The following PRKAR2A variants were observed in gnomAD, a reference collection of about 807,000 sequenced individuals.
PRKAR2A encodes cAMP-dependent protein kinase type II-alpha regulatory subunit.
A neutral mutation model predicts 51.9 loss-of-function variants in PRKAR2A; 29 were observed. The ratio of observed to expected loss-of-function variants is 0.56; its 90% confidence interval spans 0.42 to 0.76. PRKAR2A has a LOEUF of 0.76. Ranked by LOEUF, PRKAR2A falls within the 30% of genes least tolerant of loss-of-function variation. The probability of loss-of-function intolerance (pLI) is 0.00; values close to 1 mark genes in which losing one functional copy is unlikely to be tolerated. For missense variants in PRKAR2A, 445 were observed against 512.1 expected, an observed-to-expected ratio of 0.87 and a Z score of 1.26; for synonymous variants, 178 against 186.2, an observed-to-expected ratio of 0.96 and a Z score of 0.36.
chr3:48,832,208 C>A (rs1553681413), intron 1 of PRKAR2A, among the ~76,000 whole-genome samples: 1 of 150,648 alleles, frequency 6.6e-6, no homozygotes. Flanking sequence ...GCACGAGAAT[C>A]GCTTGAACCC....
At chr3:48,836,305 G>T (rs1046390668) in intron 1 of PRKAR2A, among the ~76,000 whole-genome samples, 2 of 150,278 alleles carry the variant, frequency 1.3e-5, no homozygotes, top group Admixed American at 6.7e-5. Context: ...TGTAATCCCA[G>T]CTACTCGGGA....
rs2083461793 is a variant in PRKAR2A at position 48,846,328 on chromosome 3, T to C, written c.262+1007A>G. Among the ~76,000 whole-genome samples the C allele has an allele frequency of 3.3e-5, 5 of 151,870 alleles. No individual in the cohort carries two copies. In the South Asian group the frequency reaches 8.3e-4, roughly 25 times the overall value. ...CCTCCCAGGTTCAAGCGATTCTCCC[T>C]GCCTCAGCCTCCCAAGTAGCTGGGA... On this transcript the variant is annotated intron_variant, in intron 1 of 10. Coordinates refer to ENST00000265563, the MANE Select transcript of PRKAR2A (RefSeq NM_004157.4).
In PRKAR2A at chr3:48,749,950, A is replaced by G. The variant is rs1442416106; in HGVS notation, c.*1635T>C. 1 of 150,618 alleles carries G rather than the reference A, an allele frequency of 6.6e-6. No individual in the cohort carries two copies. Among genetic ancestry groups the G allele is most frequent in the Non-Finnish European group, 1.5e-5 (1 of 67,866 alleles). The allele number at this position is 150,618 out of a possible 1,614,324, so 9.3% of individuals were successfully genotyped here. ...CACTGTGTCACCCAGACTGGAGTGC[A>G]GTGGCATGATCACAGCTCACTGTTG... On this transcript the variant is annotated 3_prime_UTR_variant, in exon 11 of 11. Coordinates refer to ENST00000265563, the MANE Select transcript of PRKAR2A (RefSeq NM_004157.4).
intron 5 of PRKAR2A, among the ~76,000 whole-genome samples, chr3:48,777,268 T>C (rs1337044261): frequency 6.6e-6 from 1 of 152,218 alleles, no homozygotes; most frequent in Non-Finnish European, 1.5e-5. Context: ...ACCCTTTTAC[T>C]GTATATGTAG....
At chr3:48,791,885 A>G (rs769814159) in intron 3 of PRKAR2A, among the ~76,000 whole-genome samples, 4 of 138,932 alleles carry the variant, frequency 2.9e-5, no homozygotes, top group Non-Finnish European at 4.6e-5. Context: ...CCTGGGCAAC[A>G]AGAGCGAAAC....
chr3:48,762,810 A>T (rs2081882405), intron 8 of PRKAR2A, among the ~76,000 whole-genome samples: 1 of 152,186 alleles, frequency 6.6e-6, no homozygotes, highest in African/African-American at 2.4e-5. Context: ...ATTAGCAATA[A>T]AAAGGAACGA....
chr3:48,782,857 A>G (rs1272039226), intron 5 of PRKAR2A, 129 bp downstream of exon 5: 5 of 649,856 alleles, frequency 7.7e-6, no homozygotes, highest in Non-Finnish European at 1.4e-5. Flanking sequence ...GACTCTCACA[A>G]GGCTTTGGGA....
chr3:48,836,553 G>T (rs1029991458), intron 1 of PRKAR2A, among the ~76,000 whole-genome samples: 1 of 150,574 alleles, frequency 6.6e-6, no homozygotes, highest in African/African-American at 2.4e-5. Context: ...GAAAATACAG[G>T]GGTAAATTTT....
chr3:48,842,850 A>G (rs569372736), intron 1 of PRKAR2A, among the ~76,000 whole-genome samples: 66 of 152,310 alleles, frequency 4.3e-4, no homozygotes, highest in African/African-American at 1.4e-3. Flanking sequence ...ATCAATGTTC[A>G]CCAAGGATAT....
chr3:48,796,277 GT>G (rs1310137746), intron 2 of PRKAR2A, among the ~76,000 whole-genome samples: 1 of 152,168 alleles, frequency 6.6e-6, no homozygotes, highest in Non-Finnish European at 1.5e-5. Context: ...GAAGACTGTT[GT>G]AAGGATTCAA....
At position 48,789,010 on chromosome 3, in the gene PRKAR2A, ACACT is replaced by A. The variant is rs113322381; in HGVS notation, c.435+1530_435+1533del. On this transcript the variant is annotated intron_variant, in intron 4 of 10. Coordinates refer to ENST00000265563, the MANE Select transcript of PRKAR2A (RefSeq NM_004157.4). ...ACCATTCCTAAGAAGCACTTACTAC[ACACT>A]GTGGTAAGCCAGTGAGTTAACTATT... Among the ~76,000 whole-genome samples, 8 of 152,112 alleles carry A rather than the reference ACACT, an allele frequency of 5.3e-5. 1 individual carries two copies. The highest frequency in any genetic ancestry group is 2.1e-4 in the South Asian group (1 of 4,802).
intron 8 of PRKAR2A, among the ~76,000 whole-genome samples, chr3:48,763,639 T>C (rs1287536850): frequency 1.3e-5 from 2 of 152,192 alleles, no homozygotes; most frequent in Non-Finnish European, 2.9e-5. Context: ...TGGCCTTTGC[T>C]AATATTGTTT....
At chr3:48,745,926 G>A (rs999396570), downstream of PRKAR2A, among the ~76,000 whole-genome samples, 6 of 152,144 alleles carry the variant, frequency 3.9e-5, no homozygotes, top group African/African-American at 1.2e-4. Flanking sequence ...AGTCGAAGGC[G>A]TGAATAGAAC....
chr3:48,780,327 A>C (rs1364743528), intron 5 of PRKAR2A, among the ~76,000 whole-genome samples: 1 of 149,574 alleles, frequency 6.7e-6, no homozygotes, highest in Non-Finnish European at 1.5e-5. Flanking sequence ...TCCTTTGGAC[A>C]GGGTGGTGGC....
chr3:48,830,021 A>T (rs1270110244), intron 1 of PRKAR2A, among the ~76,000 whole-genome samples: 1 of 150,136 alleles, frequency 6.7e-6, no homozygotes, highest in African/African-American at 2.4e-5. Flanking sequence ...AACATGGAGA[A>T]ACCCCATCTC....
chr3:48,847,295 A>G lies in PRKAR2A; in HGVS notation c.262+40T>C. 6.2e-7 allele frequency: 1 copy of G among 1,603,682 alleles called. No homozygotes were observed. Among genetic ancestry groups the G allele is most frequent in the Non-Finnish European group, 8.5e-7 (1 of 1,175,178 alleles). On this transcript the variant is annotated intron_variant, in intron 1 of 10. Transcript: ENST00000265563. This position sits in a 1 kb window ranked among gnomAD's most constrained non-coding sequence, Gnocchi z 4.4. ...CTGCCACCCCTCTAGACCTCTGGAG[A>G]CCTCCTGCACCACTCCCCAGGGCCC...
At chr3:48,787,289 G>C (rs536713038) in intron 4 of PRKAR2A, among the ~76,000 whole-genome samples, 1 of 151,996 alleles carries the variant, frequency 6.6e-6, no homozygotes. Flanking sequence ...GGGTTCAAGC[G>C]ATTCTTCTGC....
chr3:48,813,378 G>A (rs2082811641), intron 1 of PRKAR2A, among the ~76,000 whole-genome samples: 1 of 152,052 alleles, frequency 6.6e-6, no homozygotes, highest in African/African-American at 2.4e-5. Context: ...ATTACAGCCT[G>A]GGCTACAGAG....
chr3:48,790,359 G>A (rs534703658), intron 4 of PRKAR2A, among the ~76,000 whole-genome samples, 185 bp downstream of exon 4: 2 of 152,232 alleles, frequency 1.3e-5, no homozygotes, highest in Non-Finnish European at 2.9e-5. Flanking sequence ...ACACTAAAAG[G>A]CATCTGAAAG....
Sources: gnomAD v4.1 joint callset for allele counts (sites outside exome capture counted in the v4.1 genomes callset) on GRCh38, gnomAD v4.1.1 for gene constraint, Gnocchi (gnomAD v3.1) non-coding constraint, MANE v1.5 for transcripts, NCBI Gene and HGNC (gene_info 2026-07-23, HGNC 2026-07-21) for gene names.